The following AJAP1 variants were observed in gnomAD, a reference collection of about 807,000 sequenced individuals.
The protein encoded by AJAP1 is adherens junctions associated protein 1.
Under a neutral mutation model 35.0 loss-of-function variants are expected in AJAP1, and 5 were observed. The observed-to-expected ratio is 0.14, with a 90% CI of 0.07 to 0.30. The LOEUF (loss-of-function observed/expected upper bound fraction) is 0.30, where lower values mean the gene tolerates loss of function less well. Ranked by LOEUF, AJAP1 falls within the 10% of genes least tolerant of loss-of-function variation. AJAP1 has a pLI of 1.00. For synonymous variants in AJAP1, 284 were observed against 249.3 expected (o/e 1.14, Z -1.31); for missense variants, 586 against 571.0 (o/e 1.03, Z -0.27).
Position 4,704,271 on chromosome 1 carries a change from A to T in AJAP1, c.30-7629A>T, listed in dbSNP as rs1401871935. Among the ~76,000 whole-genome samples, 11 of 150,724 alleles carry T rather than the reference A, an allele frequency of 7.3e-5. No homozygotes were observed. The East Asian group carries it at 2.2e-3, about 30-fold the overall frequency. On this transcript the variant is annotated intron_variant, in intron 1 of 5. Coordinates refer to ENST00000378191, the MANE Select transcript of AJAP1 (RefSeq NM_018836.4). ...TGCTGCACCCATTAACTCATCATTTAGCATTAGGTATATCTCCAAATGCTA... is the reference window on the plus strand; with the variant it reads ...TGCTGCACCCATTAACTCATCATTTTGCATTAGGTATATCTCCAAATGCTA...
intron 5 of AJAP1, among the ~76,000 whole-genome samples, chr1:4,779,752 C>T (rs1484777528): frequency 6.6e-6 from 1 of 152,074 alleles, no homozygotes; most frequent in Non-Finnish European, 1.5e-5. Flanking sequence ...GACACCGGGA[C>T]CCAGTGTAGG....
intron 2 of AJAP1, among the ~76,000 whole-genome samples, chr1:4,748,052 C>T (rs888743618): frequency 6.6e-6 from 1 of 152,048 alleles, no homozygotes; most frequent in South Asian, 2.1e-4. Context: ...CAAACCCCAC[C>T]CACTGTGTCC....
At chr1:4,676,072 G>A (rs972784425) in intron 1 of AJAP1, among the ~76,000 whole-genome samples, 1 of 152,132 alleles carries the variant, frequency 6.6e-6, no homozygotes, top group Non-Finnish European at 1.5e-5. Flanking sequence ...TACTCGTTTT[G>A]TGCATCTCCT....
At chr1:4,663,757 C>G (rs544023444) in intron 1 of AJAP1, among the ~76,000 whole-genome samples, 1 of 152,118 alleles carries the variant, frequency 6.6e-6, no homozygotes, top group African/African-American at 2.4e-5. Context: ...GTGGACTCTT[C>G]GGTAGTTGCT....
intron 2 of AJAP1, among the ~76,000 whole-genome samples, chr1:4,748,117 C>T (rs781095942): frequency 7.2e-5 from 11 of 152,238 alleles, no homozygotes; most frequent in Non-Finnish European, 5.9e-5. Flanking sequence ...ACCTGGCCAT[C>T]CCCTCACCTG....
rs181667535 is a variant in AJAP1, at chr1:4,782,805, G to A, written c.*320G>A. On this transcript the variant is annotated 3_prime_UTR_variant, in exon 6 of 6. Transcript: ENST00000378191. This position sits in a 1 kb window ranked among gnomAD's most constrained non-coding sequence, Gnocchi z 5.3. ...AAAGGAACCAGAGGCAGAGAGACGA[G>A]GATACCCAGCGAAAGGGACGGGAGG... The A allele has an allele frequency of 2.3e-5, 9 of 398,628 alleles. No individual in the cohort carries two copies. The South Asian group carries it at 6.4e-4, about 28-fold the overall frequency. The allele number at this position is 398,628 out of a possible 1,614,324, so 24.7% of individuals were successfully genotyped here. A position where few individuals can be genotyped will look rare whatever the true frequency, so the allele number is the denominator to read the frequency against.
Position 4,655,477 on chromosome 1 carries a change from G to A in AJAP1, c.29+23G>A. The A allele has an allele frequency of 1.3e-6, 2 of 1,566,098 alleles. No individual in the cohort carries two copies. Among genetic ancestry groups the A allele is most frequent in the Admixed American group, 1.8e-5 (1 of 55,696 alleles). On this transcript the variant is annotated intron_variant, in intron 1 of 5. Coordinates refer to ENST00000378191, the MANE Select transcript of AJAP1 (RefSeq NM_018836.4). This position sits in a 1 kb window ranked among gnomAD's most constrained non-coding sequence, Gnocchi z 6.9. ...CAGGTGAGCGACCCGGCCGGCGCCGGGTGCGTGTGGGCGCGTGGGTGCCAG... is the reference window on the plus strand; with the variant it reads ...CAGGTGAGCGACCCGGCCGGCGCCGAGTGCGTGTGGGCGCGTGGGTGCCAG...
At chr1:4,751,417 C>G (rs928701206) in intron 2 of AJAP1, among the ~76,000 whole-genome samples, 1 of 152,228 alleles carries the variant, frequency 6.6e-6, no homozygotes, top group Non-Finnish European at 1.5e-5. Flanking sequence ...AGCCCACAGC[C>G]AGGTGTGCCC....
At chr1:4,685,322 A>T (rs570336536) in intron 1 of AJAP1, among the ~76,000 whole-genome samples, 35 of 152,224 alleles carry the variant, frequency 2.3e-4, no homozygotes, top group Admixed American at 5.2e-4. Context: ...AAAAATCAGC[A>T]GATCTTTGCA....
intron 1 of AJAP1, among the ~76,000 whole-genome samples, chr1:4,679,798 G>A (rs1028771029): frequency 1.4e-5 from 2 of 145,134 alleles, no homozygotes; most frequent in East Asian, 4.1e-4. Context: ...CTTAGAAACA[G>A]AACCAATAGG....
At chr1:4,744,622 T>G (rs912916634) in intron 2 of AJAP1, among the ~76,000 whole-genome samples, 3 of 98,538 alleles carry the variant, frequency 3.0e-5, no homozygotes, top group Non-Finnish European at 6.6e-5. Flanking sequence ...CCCACATGCA[T>G]ATGCACACAC....
chr1:4,765,721 A>G (rs564480021), intron 2 of AJAP1, among the ~76,000 whole-genome samples: 1 of 152,354 alleles, frequency 6.6e-6, no homozygotes, highest in South Asian at 2.1e-4. Context: ...CATCGAAGGA[A>G]TCAAACTGGT....
intron 2 of AJAP1, among the ~76,000 whole-genome samples, chr1:4,763,741 C>T (rs969122589): frequency 1.9e-4 from 29 of 150,726 alleles, no homozygotes; most frequent in Non-Finnish European, 3.0e-4. Context: ...TCTTTCTCTA[C>T]GCCCTTTCTC....
At chr1:4,763,162 C>T (rs933326791) in intron 2 of AJAP1, among the ~76,000 whole-genome samples, 6 of 152,182 alleles carry the variant, frequency 3.9e-5, no homozygotes, top group African/African-American at 1.2e-4. Context: ...TGGCCCTTAC[C>T]CATTAGATGC....
chr1:4,742,341 T>C (rs1318900826), intron 2 of AJAP1, among the ~76,000 whole-genome samples: 1 of 152,186 alleles, frequency 6.6e-6, no homozygotes, highest in Non-Finnish European at 1.5e-5. Flanking sequence ...CATAACCTGA[T>C]CTGTTCATGA....
intron 2 of AJAP1, among the ~76,000 whole-genome samples, chr1:4,726,095 G>A (rs894091297): frequency 5.9e-5 from 9 of 151,930 alleles, no homozygotes; most frequent in South Asian, 2.1e-4. Context: ...CTTGCGGGAT[G>A]GGGGAGGAAA....
At chr1:4,711,108 A>G (rs1250568359) in intron 1 of AJAP1, 1 of 152,282 alleles carries the variant, frequency 6.6e-6, no homozygotes, top group Non-Finnish European at 1.5e-5. Flanking sequence ...TCAACAGAAC[A>G]GACACTTCGC....
intron 1 of AJAP1, among the ~76,000 whole-genome samples, chr1:4,661,712 C>T (rs1351163085): frequency 6.6e-6 from 1 of 152,210 alleles, no homozygotes; most frequent in Non-Finnish European, 1.5e-5. Flanking sequence ...GATGCCAAGT[C>T]AGCACTTCAT....
chr1:4,725,011 C>T (rs1640615837), intron 2 of AJAP1, among the ~76,000 whole-genome samples: 1 of 152,196 alleles, frequency 6.6e-6, no homozygotes, highest in Non-Finnish European at 1.5e-5. Flanking sequence ...CCCCAGCGCA[C>T]ACTGTCTGGC....
Sources: gnomAD v4.1 joint callset for allele counts (sites outside exome capture counted in the v4.1 genomes callset) on GRCh38, gnomAD v4.1.1 for gene constraint, Gnocchi (gnomAD v3.1) non-coding constraint, MANE v1.5 for transcripts, NCBI Gene and HGNC (gene_info 2026-07-23, HGNC 2026-07-21) for gene names.